LGR4: variants seen among roughly 807,000 people sequenced by gnomAD.
LGR4 encodes the protein leucine rich repeat containing G protein-coupled receptor 4, also known as leucine-rich repeat-containing G protein-coupled receptor 4.
A neutral mutation model predicts 84.8 loss-of-function variants in LGR4; 44 were observed. The observed-to-expected ratio is 0.52, with a 90% CI of 0.41 to 0.67. LGR4 has a LOEUF of 0.67. Among genes scored for constraint, LGR4 ranks in the 30% least tolerant of loss-of-function variants. The pLI, the probability that LGR4 is intolerant of heterozygous loss-of-function variation, is 0.00. For missense variants in LGR4, 1,032 were observed against 1,131.4 expected (o/e 0.91, Z 1.26); for synonymous variants, 429 against 434.3 (o/e 0.99, Z 0.15).
At chr11:27,404,349 T>C (rs1863562192) in intron 2 of LGR4, among the ~76,000 whole-genome samples, 1 of 152,198 alleles carries the variant, frequency 6.6e-6, no homozygotes, top group South Asian at 2.1e-4. Flanking sequence ...CCTTCGTTCC[T>C]GGGCTGCTAA....
intron 1 of LGR4, among the ~76,000 whole-genome samples, chr11:27,461,971 G>C (rs1344312924): frequency 1.3e-5 from 2 of 148,978 alleles, no homozygotes; most frequent in African/African-American, 4.9e-5. Context: ...CTGGATTACA[G>C]GTGCCCGTCG....
At chr11:27,375,120 C>T (rs1231854073) in intron 13 of LGR4, among the ~76,000 whole-genome samples, 1 of 144,442 alleles carries the variant, frequency 6.9e-6, no homozygotes, top group African/African-American at 2.6e-5. Flanking sequence ...CCCATCTCTA[C>T]CAAAAAAAAA....
In LGR4 at chr11:27,472,206, A is replaced by C; in HGVS notation, c.97T>G (p.Cys33Gly). 8.2e-7 allele frequency: 1 copy of C among 1,219,922 alleles called. No homozygotes were observed. The allele number at this position is 1,219,922 out of a possible 1,614,324, so 75.6% of individuals were successfully genotyped here. ...ACCCGACGGTCGCCGTCGCAGCTGC[A>C]GGGCGCCGCGCAGAGAGGCGGCGCC... ...GAAPPLCAAP[C>G]SCDGDRRVDC... The change falls in exon 1 of 18, where the codon TGC becomes GGC. Residue 33 changes from cysteine to glycine, a missense_variant. Transcript: ENST00000379214.
intron 1 of LGR4, among the ~76,000 whole-genome samples, chr11:27,461,836 A>ATTTTTTT (rs35205372): frequency 1.6e-4 from 12 of 76,552 alleles, no homozygotes; most frequent in Non-Finnish European, 2.1e-4. Flanking sequence ...TTGAGTTAGG[A>ATTTTTTT]TTTTTTTTTT....
chr11:27,459,250 A>C (rs1828358006), intron 1 of LGR4, among the ~76,000 whole-genome samples: 1 of 152,214 alleles, frequency 6.6e-6, no homozygotes, highest in African/African-American at 2.4e-5. Context: ...TTTTAGATAA[A>C]TCATCAACTT....
intron 1 of LGR4, among the ~76,000 whole-genome samples, chr11:27,463,122 C>T (rs1442930396): frequency 6.7e-6 from 1 of 149,158 alleles, no homozygotes; most frequent in Non-Finnish European, 1.5e-5. Context: ...CATGGTGGCA[C>T]TCACCTGTAG....
In LGR4 at chr11:27,472,396, G is replaced by A; in HGVS notation, c.-94C>T. ...CGCCGCCCCCGGGCAGCCGGCCTGC[G>A]GGCTGGAGCGGGGGTCTCTTCCTCG... is the stretch of plus-strand genomic sequence containing the variant. On this transcript the variant is annotated 5_prime_UTR_variant, in exon 1 of 18. Coordinates refer to ENST00000379214, the MANE Select transcript of LGR4 (RefSeq NM_018490.5). 2.0e-6 allele frequency: 2 copies of A among 1,006,646 alleles called. No individual in the cohort carries two copies. The highest frequency in any genetic ancestry group is 1.3e-6 in the Non-Finnish European group (1 of 790,332). The allele number at this position is 1,006,646 out of a possible 1,614,324, so 62.4% of individuals were successfully genotyped here. A position where few individuals can be genotyped will look rare whatever the true frequency, so the allele number is the denominator to read the frequency against.
At position 27,378,950 on chromosome 11, in the gene LGR4, A is replaced by G. The variant is rs1362360181; in HGVS notation, c.972-182T>C. On this transcript the variant is annotated intron_variant, in intron 10 of 17. Coordinates refer to ENST00000379214, the MANE Select transcript of LGR4 (RefSeq NM_018490.5). ...TGAACTGAACCCCAATTCTGATATC[A>G]TCTTCACAGTAACTCAAAAACACTT... is the stretch of plus-strand genomic sequence containing the variant. 1.2e-5 allele frequency: 7 copies of G among 576,472 alleles called. No individual in the cohort carries two copies. In the African/African-American group the frequency reaches 1.3e-4, roughly 11 times the overall value. 35.7% of individuals were successfully genotyped at this position (576,472 alleles called of 1,614,324 possible).
At position 27,472,410 on chromosome 11, in the gene LGR4, G is replaced by T. The variant is rs1590423193; in HGVS notation, c.-108C>A. Reference sequence around the variant, plus strand: ...AGCCGGCCTGCGGGCTGGAGCGGGGGTCTCTTCCTCGGCGGTCCGCGCGGG... The same window carrying T: ...AGCCGGCCTGCGGGCTGGAGCGGGGTTCTCTTCCTCGGCGGTCCGCGCGGG... On this transcript the variant is annotated 5_prime_UTR_variant, in exon 1 of 18. Transcript: ENST00000379214. 2.1e-5 allele frequency: 19 copies of T among 908,840 alleles called. No individual in the cohort carries two copies. In the East Asian group the frequency reaches 6.1e-4, roughly 29 times the overall value. 56.3% of individuals were successfully genotyped at this position (908,840 alleles called of 1,614,324 possible). A position where few individuals can be genotyped will look rare whatever the true frequency, so the allele number is the denominator to read the frequency against.
chr11:27,369,596 A>T (rs956461690), intron 17 of LGR4, among the ~76,000 whole-genome samples: 1 of 152,190 alleles, frequency 6.6e-6, no homozygotes, highest in African/African-American at 2.4e-5. Flanking sequence ...CTTGTGGATA[A>T]TAATGCCTGT....
At chr11:27,458,068 T>G (rs1412134621) in intron 1 of LGR4, among the ~76,000 whole-genome samples, 2 of 152,152 alleles carry the variant, frequency 1.3e-5, no homozygotes, top group Non-Finnish European at 2.9e-5. Flanking sequence ...AGTTAGAGGC[T>G]GCAGTGAACT....
Position 27,382,215 on chromosome 11 carries a change from A to G in LGR4, c.731T>C (p.Ile244Thr). The change falls in exon 7 of 18, where the codon ATT becomes ACT. Residue 244 changes from isoleucine to threonine, a missense_variant. Physicochemically the swap from Ile to Thr is moderately conservative, Grantham distance 89. Coordinates refer to ENST00000379214, the MANE Select transcript of LGR4 (RefSeq NM_018490.5). Reference sequence around the variant, plus strand: ...CTCTTTAAGGCTAGGAAGGGCTTTAATAGCCTGAGGAAATTCCCCCAAGTT... The same window carrying G: ...CTCTTTAAGGCTAGGAAGGGCTTTAGTAGCCTGAGGAAATTCCCCCAAGTT... ...YNNLGEFPQA[I>T]KALPSLKELG... The G allele has an allele frequency of 4.3e-6, 7 of 1,610,212 alleles. No homozygotes were observed. Among genetic ancestry groups the G allele is most frequent in the Non-Finnish European group, 5.9e-6 (7 of 1,176,732 alleles).
intron 1 of LGR4, among the ~76,000 whole-genome samples, chr11:27,461,426 T>C (rs1864678507): frequency 6.6e-6 from 1 of 152,132 alleles, no homozygotes; most frequent in Non-Finnish European, 1.5e-5. Flanking sequence ...AAAAAGTTCA[T>C]GTGTAATCTG....
At chr11:27,397,014 C>T (rs1590360848) in intron 2 of LGR4, among the ~76,000 whole-genome samples, 1 of 152,268 alleles carries the variant, frequency 6.6e-6, no homozygotes, top group Non-Finnish European at 1.5e-5. Flanking sequence ...TCCTCCTGGA[C>T]TACTGCCATG....
intron 2 of LGR4, among the ~76,000 whole-genome samples, chr11:27,400,091 A>G (rs1374783482): frequency 6.6e-6 from 1 of 152,226 alleles, no homozygotes; most frequent in African/African-American, 2.4e-5. Flanking sequence ...AAATGCTCCA[A>G]AATTTGAAGC....
intron 1 of LGR4, among the ~76,000 whole-genome samples, chr11:27,457,533 G>A (rs1011768339): frequency 1.2e-4 from 18 of 152,286 alleles, no homozygotes; most frequent in Admixed American, 9.8e-4. Flanking sequence ...TACATACCAT[G>A]CTAACAATAT....
intron 1 of LGR4, among the ~76,000 whole-genome samples, chr11:27,429,514 G>T (rs143650110): frequency 9.3e-4 from 141 of 151,908 alleles, no homozygotes; most frequent in African/African-American, 3.3e-3. Flanking sequence ...AACAGGAAGG[G>T]GAGGTGGGGA....
chr11:27,468,169 TA>T (rs1222730674), intron 1 of LGR4, among the ~76,000 whole-genome samples: 1 of 152,220 alleles, frequency 6.6e-6, no homozygotes, highest in East Asian at 1.9e-4. Context: ...GGAGATTCTT[TA>T]AAAACACTTT....
At chr11:27,461,064 T>C (rs1248193867) in intron 1 of LGR4, among the ~76,000 whole-genome samples, 3 of 152,178 alleles carry the variant, frequency 2.0e-5, no homozygotes, top group Non-Finnish European at 4.4e-5. Context: ...AGTTTTTAGT[T>C]TCTGAGAAAG....
Sources: allele counts gnomAD v4.1 joint callset (sites outside exome capture counted in the v4.1 genomes callset), GRCh38; gene constraint gnomAD v4.1.1; transcripts MANE v1.5; gene names NCBI Gene and HGNC (gene_info 2026-07-23, HGNC 2026-07-21).